The following MED12L variants were observed in gnomAD, a reference collection of about 807,000 sequenced individuals.
MED12L encodes the protein mediator of RNA polymerase II transcription subunit 12-like protein.
Under a neutral mutation model 281.3 loss-of-function variants are expected in MED12L, and 60 were observed. The ratio of observed to expected loss-of-function variants is 0.21; its 90% CI spans 0.17 to 0.26. MED12L has a LOEUF of 0.26. MED12L is among the 10% of genes least tolerant of loss of function. The probability of loss-of-function intolerance (pLI) is 1.00; values close to 1 mark genes in which losing one functional copy is unlikely to be tolerated. For synonymous variants in MED12L, 974 were observed against 987.2 expected (o/e 0.99, Z 0.25); for missense variants, 2,146 against 2,680.9 (o/e 0.80, Z 4.41).
intron 2 of MED12L, among the ~76,000 whole-genome samples, chr3:151,093,002 G>T (rs1032038548): frequency 1.3e-5 from 2 of 152,136 alleles, no homozygotes; most frequent in African/African-American, 2.4e-5. Flanking sequence ...CATTTTTCAG[G>T]GTCTGCCAGC....
intron 3 of MED12L, among the ~76,000 whole-genome samples, chr3:151,119,590 A>G (rs1306361820): frequency 6.6e-6 from 1 of 152,194 alleles, no homozygotes. Flanking sequence ...ATTGAGGGTT[A>G]AGGCTTGAGG....
chr3:151,343,245 A>C (rs1314416423), intron 16 of MED12L, among the ~76,000 whole-genome samples: 1 of 152,224 alleles, frequency 6.6e-6, no homozygotes, highest in Non-Finnish European at 1.5e-5. Context: ...AGGCTTATTC[A>C]AGAAAATGAT....
At chr3:151,311,543 G>A (rs1244368251) in intron 16 of MED12L, among the ~76,000 whole-genome samples, 1 of 152,060 alleles carries the variant, frequency 6.6e-6, no homozygotes, top group African/African-American at 2.4e-5. Context: ...ATATAGGCAT[G>A]TACCGTTTTG....
At chr3:151,135,546 C>G (rs1286428243) in intron 5 of MED12L, among the ~76,000 whole-genome samples, 2 of 152,176 alleles carry the variant, frequency 1.3e-5, no homozygotes, top group Non-Finnish European at 2.9e-5. Context: ...TATGAGGGAC[C>G]TGAGTCTCAG....
At chr3:151,158,947 G>A in intron 7 of MED12L, 148 bp downstream of exon 7, 1 of 632,266 alleles carries the variant, frequency 1.6e-6, no homozygotes, top group Non-Finnish European at 2.8e-6. Context: ...CACATGAAGT[G>A]ATAAAGGCTT....
intron 17 of MED12L, among the ~76,000 whole-genome samples, chr3:151,353,456 A>G (rs1195376808): frequency 6.6e-6 from 1 of 152,222 alleles, no homozygotes; most frequent in African/African-American, 2.4e-5. Flanking sequence ...TCTTTGCATT[A>G]TATTTGGTGT....
In MED12L at chr3:151,432,858, TCAAATTTAATG is replaced by T; in HGVS notation, c.*57_*67del. ...TATGTTTGCACTGAAAAACAGAAAA[TCAAATTTAATG>T]CATTAGTCATCTTAAAAATGTCCCT... On this transcript the variant is annotated 3_prime_UTR_variant, in exon 45 of 45. Coordinates refer to ENST00000687756, the MANE Select transcript of MED12L (RefSeq NM_001393769.1). 2 of 1,344,948 alleles carry T rather than the reference TCAAATTTAATG, an allele frequency of 1.5e-6. No homozygotes were observed. Among genetic ancestry groups the T allele is most frequent in the Non-Finnish European group, 2.1e-6 (2 of 953,310 alleles). 83.3% of individuals were successfully genotyped at this position (1,344,948 alleles called of 1,614,324 possible).
intron 39 of MED12L, among the ~76,000 whole-genome samples, chr3:151,407,746 AAAGT>A (rs1222484539): frequency 6.6e-6 from 1 of 152,216 alleles, no homozygotes; most frequent in African/African-American, 2.4e-5. Flanking sequence ...GCCTACTCTG[AAAGT>A]AAGATTCTTG....
In MED12L at chr3:151,156,207, G is replaced by T. The variant is rs868799536; in HGVS notation, c.603G>T (p.Lys201Asn). The T allele has an allele frequency of 1.9e-6, 3 of 1,613,000 alleles. No individual in the cohort carries two copies. The African/African-American group carries it at 4.0e-5, about 22-fold the overall frequency. Reference protein sequence around the residue: ...STRYLREQLAKISDFYHMASS... With the variant: ...STRYLREQLANISDFYHMASS... Reference sequence around the variant, plus strand: ...GATATCTTCGAGAGCAGTTGGCCAAGATTTCTGACTTTTACCACATGGCCT... The same window carrying T: ...GATATCTTCGAGAGCAGTTGGCCAATATTTCTGACTTTTACCACATGGCCT... The change falls in exon 6 of 45, where the codon AAG becomes AAT. Residue 201 changes from lysine (K) to asparagine (N), a missense_variant. Transcript: ENST00000687756.
Position 151,350,173 on chromosome 3 carries a change from A to G in MED12L, c.2365A>G (p.Ile789Val). The G allele has an allele frequency of 6.2e-7, 1 of 1,613,860 alleles. No individual in the cohort carries two copies. Among genetic ancestry groups the G allele is most frequent in the Non-Finnish European group, 8.5e-7 (1 of 1,179,872 alleles). Residue 789 changes from isoleucine (I) to valine (V), a missense_variant, in exon 17 of 45, where the codon ATT (isoleucine) becomes GTT (valine). Coordinates refer to ENST00000687756, the MANE Select transcript of MED12L (RefSeq NM_001393769.1). ...LKKITKDILK[I>V]LNKKSTTETG... ...GAAGATTACCAAAGATATCCTGAAA[A>G]TTCTAAATAAGAAGAGCACCACAGA...
chr3:151,372,983 A>G (rs1232649081), intron 27 of MED12L, among the ~76,000 whole-genome samples: 4 of 152,154 alleles, frequency 2.6e-5, no homozygotes, highest in Admixed American at 2.6e-4. Context: ...ATTTTGCTAC[A>G]TGTGCTTTGT....
chr3:151,322,358 T>A (rs899000538), intron 16 of MED12L, among the ~76,000 whole-genome samples: 1 of 151,940 alleles, frequency 6.6e-6, no homozygotes, highest in Non-Finnish European at 1.5e-5. Flanking sequence ...GGTAATTTTT[T>A]TTTTATTTTT....
At chr3:151,367,796 T>C (rs1224137713) in intron 24 of MED12L, 30 bp downstream of exon 24, 1 of 1,579,526 alleles carries the variant, frequency 6.3e-7, no homozygotes. Flanking sequence ...CATCCGTTGC[T>C]CTTTGATTGT....
chr3:151,141,397 A>T lies in MED12L; in HGVS notation c.556+13413A>T, dbSNP rs75451522. On this transcript the variant is annotated intron_variant, in intron 5 of 44. Transcript: ENST00000687756. ...CTTGAATAAGGAGTGATTTAGTTTA[A>T]AAAAGGTTTATCAAGAGTCTGTGCA... 5.9e-3 allele frequency among the ~76,000 whole-genome samples: 892 copies of T among 152,188 alleles called. 9 individuals are homozygous for T. The highest frequency in any genetic ancestry group is 0.02 in the African/African-American group (839 of 41,472).
At chr3:151,143,344 C>A (rs1341091362) in intron 5 of MED12L, among the ~76,000 whole-genome samples, 2 of 152,166 alleles carry the variant, frequency 1.3e-5, no homozygotes, top group African/African-American at 2.4e-5. Flanking sequence ...AAGCACAATG[C>A]CACTTTAACT....
At chr3:151,347,971 G>A (rs184455519) in intron 16 of MED12L, among the ~76,000 whole-genome samples, 6 of 152,270 alleles carry the variant, frequency 3.9e-5, no homozygotes, top group East Asian at 1.9e-4. Flanking sequence ...GATCCTGTGC[G>A]ATGTGAGGAG....
intron 16 of MED12L, among the ~76,000 whole-genome samples, chr3:151,243,057 G>A (rs373569351): frequency 1.3e-5 from 2 of 151,004 alleles, no homozygotes; most frequent in African/African-American, 2.4e-5. Context: ...GAGAAGGGAA[G>A]TTTAGAGAAA....
Position 151,185,343 on chromosome 3 carries a change from A to G in MED12L, c.1508A>G (p.Asp503Gly). 1 of 1,613,756 alleles carries G rather than the reference A, an allele frequency of 6.2e-7. No individual in the cohort carries two copies. The highest frequency in any genetic ancestry group is 1.7e-5 in the Admixed American group (1 of 59,978). The change falls in exon 12 of 45, where the codon GAT (aspartate) becomes GGT (glycine). Residue 503 changes from aspartate (D) to glycine (G), a missense_variant. This residue lies in a region of MED12L where 722 missense variants were observed against 861.2 expected (regional missense o/e 0.84). Coordinates refer to ENST00000687756, the MANE Select transcript of MED12L (RefSeq NM_001393769.1). The stretch of plus-strand genomic sequence containing the variant: ...GTTGGTCATTAGGTTGCGCCCAACG[A>G]TGAAGCTGTGGTGACGCTGTTATGT... The part of the protein sequence containing the change: ...NKDNQEVAPN[D>G]EAVVTLLCEW...
intron 16 of MED12L, among the ~76,000 whole-genome samples, chr3:151,333,704 GAA>G (rs1305520105): frequency 6.6e-6 from 1 of 152,130 alleles, no homozygotes; most frequent in Non-Finnish European, 1.5e-5. Flanking sequence ...GTCCTTCTAG[GAA>G]AAAGTTATTT....
Sources: allele counts gnomAD v4.1 joint callset (sites outside exome capture counted in the v4.1 genomes callset), GRCh38; gene constraint gnomAD v4.1.1; regional missense constraint gnomAD v4.1.1; transcripts MANE v1.5; gene names NCBI Gene and HGNC (gene_info 2026-07-23, HGNC 2026-07-21).